SSBP3: variants seen among roughly 807,000 people sequenced by gnomAD.
SSBP3 encodes single stranded DNA binding protein 3, also known as single-stranded DNA-binding protein 3.
In SSBP3, 5 loss-of-function variants were observed where a neutral mutation model predicts 69.6. The ratio of observed to expected loss-of-function variants is 0.07; its 90% CI spans 0.04 to 0.15. The LOEUF is 0.15. Ranked by LOEUF, SSBP3 falls within the 10% of genes least tolerant of loss-of-function variation. The pLI, the probability that SSBP3 is intolerant of heterozygous loss-of-function variation, is 1.00. For synonymous variants in SSBP3, 196 were observed against 193.4 expected (o/e 1.01, Z -0.11); for missense variants, 312 against 534.0 (o/e 0.58, Z 4.10).
intron 4 of SSBP3, among the ~76,000 whole-genome samples, chr1:54,379,387 A>AGGACGG (rs1345788211): frequency 6.6e-6 from 1 of 152,222 alleles, no homozygotes; most frequent in Admixed American, 6.5e-5. Context: ...GGCCAGCACC[A>AGGACGG]GGACGGGGAC....
intron 4 of SSBP3, among the ~76,000 whole-genome samples, chr1:54,344,371 A>G (rs1297035063): frequency 6.6e-6 from 1 of 152,232 alleles, no homozygotes; most frequent in Non-Finnish European, 1.5e-5. Context: ...GTCTTGGCAT[A>G]ATAAATACTT....
chr1:54,329,805 G>A (rs936102167), intron 4 of SSBP3, among the ~76,000 whole-genome samples: 11 of 152,250 alleles, frequency 7.2e-5, no homozygotes, highest in African/African-American at 1.7e-4. Flanking sequence ...CCTGAGAAAT[G>A]GGGGAGGGGA....
At chr1:54,348,601 T>G (rs959833761) in intron 4 of SSBP3, among the ~76,000 whole-genome samples, 1 of 152,158 alleles carries the variant, frequency 6.6e-6, no homozygotes, top group African/African-American at 2.4e-5. Flanking sequence ...ACCGGGGACT[T>G]GCTGGGGCCA....
chr1:54,358,398 G>A (rs563219636), intron 4 of SSBP3, among the ~76,000 whole-genome samples: 1 of 152,296 alleles, frequency 6.6e-6, no homozygotes, highest in Admixed American at 6.5e-5. Context: ...GGAGGGCAAG[G>A]GCAGAGTCTC....
chr1:54,347,327 T>C (rs1646705553), intron 4 of SSBP3, among the ~76,000 whole-genome samples: 1 of 151,112 alleles, frequency 6.6e-6, no homozygotes, highest in African/African-American at 2.4e-5. Flanking sequence ...ATATAAATAC[T>C]AGGTAAATAG....
chr1:54,272,748 A>G (rs1645217821), intron 5 of SSBP3, among the ~76,000 whole-genome samples: 1 of 152,214 alleles, frequency 6.6e-6, no homozygotes, highest in Non-Finnish European at 1.5e-5. Context: ...AAATCACTCC[A>G]TTCTAAGAAA....
intron 3 of SSBP3, among the ~76,000 whole-genome samples, chr1:54,402,282 A>G (rs2100817237): frequency 6.6e-6 from 1 of 152,340 alleles, no homozygotes; most frequent in East Asian, 1.9e-4. Context: ...AGGGGTTAGT[A>G]GAACCTACTC....
chr1:54,234,978 A>T (rs1050700664), intron 14 of SSBP3, among the ~76,000 whole-genome samples: 3 of 152,210 alleles, frequency 2.0e-5, no homozygotes, highest in African/African-American at 7.2e-5. Context: ...AGTCAAACTT[A>T]AAATCCATTT....
intron 7 of SSBP3, among the ~76,000 whole-genome samples, chr1:54,253,763 C>A (rs1389859292): frequency 6.6e-6 from 1 of 152,192 alleles, no homozygotes; most frequent in Admixed American, 6.5e-5. Flanking sequence ...GATGGGGGAC[C>A]TTCAGGGTCA....
chr1:54,313,953 G>A (rs987012437), intron 4 of SSBP3, among the ~76,000 whole-genome samples: 5 of 152,174 alleles, frequency 3.3e-5, no homozygotes, highest in African/African-American at 9.6e-5. Context: ...TAGTAGAGAC[G>A]GGGTTTCACC....
intron 4 of SSBP3, among the ~76,000 whole-genome samples, chr1:54,334,118 C>T (rs2100474206): frequency 6.6e-6 from 1 of 152,028 alleles, no homozygotes; most frequent in East Asian, 1.9e-4. Context: ...CTTTGGGAGG[C>T]CGAGGCGGGC....
chr1:54,340,196 A>C (rs534490617), intron 4 of SSBP3, among the ~76,000 whole-genome samples: 28 of 152,388 alleles, frequency 1.8e-4, no homozygotes, highest in African/African-American at 6.7e-4. Flanking sequence ...AATTAATTTT[A>C]TCTCTCTTGC....
intron 4 of SSBP3, among the ~76,000 whole-genome samples, chr1:54,355,039 G>A (rs1052770122): frequency 5.8e-4 from 89 of 152,226 alleles, no homozygotes; most frequent in African/African-American, 2.1e-3. Flanking sequence ...GTGAGGCTGG[G>A]TTGTTTCCTC....
At chr1:54,283,857 G>T (rs143099953) in intron 4 of SSBP3, among the ~76,000 whole-genome samples, 350 of 152,330 alleles carry the variant, frequency 2.3e-3, no homozygotes, top group African/African-American at 6.8e-3. Flanking sequence ...CCTCGTGAGG[G>T]AATCGCCAGC....
At chr1:54,330,415 G>A (rs151049415) in intron 4 of SSBP3, among the ~76,000 whole-genome samples, 37 of 152,244 alleles carry the variant, frequency 2.4e-4, no homozygotes, top group African/African-American at 7.7e-4. Context: ...ACACCTCCAC[G>A]GCCATCCATT....
At chr1:54,322,158 C>T (rs923296230) in intron 4 of SSBP3, among the ~76,000 whole-genome samples, 4 of 152,198 alleles carry the variant, frequency 2.6e-5, no homozygotes, top group African/African-American at 9.7e-5. Flanking sequence ...CAAGTCTCCA[C>T]AATTTCTCTT....
intron 6 of SSBP3, 131 bp from the exon 7 acceptor site, chr1:54,257,317 TCTTCC>T (rs1644939108): frequency 1.3e-6 from 1 of 775,622 alleles, no homozygotes; most frequent in Admixed American, 4.0e-5. Context: ...CCTGCTAGCC[TCTTCC>T]CTTTGACAGC....
chr1:54,235,282 T>G (rs1013265491), intron 14 of SSBP3, among the ~76,000 whole-genome samples: 5 of 70,494 alleles, frequency 7.1e-5, no homozygotes, highest in African/African-American at 1.0e-4. Flanking sequence ...AGTTTTTTTT[T>G]TTTTTTTTTT....
chr1:54,316,705 T>TAAATAAAATAAAATAAAATA (rs1215940242), intron 4 of SSBP3, among the ~76,000 whole-genome samples: 1 of 80,806 alleles, frequency 1.2e-5, no homozygotes, highest in African/African-American at 4.8e-5. Flanking sequence ...AATAAATAAA[T>TAAATAAAATAAAATAAAATA]AAATAAAATA....
Sources: allele counts gnomAD v4.1 joint callset (sites outside exome capture counted in the v4.1 genomes callset), GRCh38; gene constraint gnomAD v4.1.1; transcripts MANE v1.5; gene names NCBI Gene and HGNC (gene_info 2026-07-23, HGNC 2026-07-21).